NEMP1: variants seen among roughly 807,000 people sequenced by gnomAD.
The protein encoded by NEMP1 is transmembrane protein 194.
In NEMP1, 29 loss-of-function variants were observed where a neutral mutation model predicts 53.7. The observed-to-expected ratio is 0.54, with a 90% CI of 0.40 to 0.74. The LOEUF (loss-of-function observed/expected upper bound fraction) is 0.74. Ranked by LOEUF, NEMP1 falls within the 30% of genes least tolerant of loss-of-function variation. The probability of loss-of-function intolerance (pLI) is 0.00; values close to 1 mark genes in which losing one functional copy is unlikely to be tolerated. For missense variants in NEMP1, 477 were observed against 528.6 expected, an observed-to-expected ratio of 0.90 and a Z score of 0.96; for synonymous variants, 193 against 192.9, an observed-to-expected ratio of 1.00 and a Z score of 0.00.
intron 1 of NEMP1, among the ~76,000 whole-genome samples, chr12:57,085,834 T>G (rs1420678386): frequency 1.3e-5 from 2 of 152,234 alleles, no homozygotes; most frequent in Non-Finnish European, 2.9e-5. Context: ...ATGTCTTCAC[T>G]TAAACAGTTT....
chr12:57,063,197 A>G lies in NEMP1; in HGVS notation c.902T>C (p.Ile301Thr). Residue 301 changes from isoleucine to threonine, a missense_variant, in exon 7 of 9, where the codon ATT becomes ACT. By Grantham distance (89) the Ile-to-Thr change is moderately conservative. Coordinates refer to ENST00000300128, the MANE Select transcript of NEMP1 (RefSeq NM_001130963.2). The stretch of plus-strand genomic sequence containing the variant: ...AGCAATGATGATAATGGCAAGGGCA[A>G]TATGTGGTATCTGGATGCCAGAATA... ...FMYSGIQIPH[I>T]ALAIIIIALC... 2 of 1,614,192 alleles carry G rather than the reference A, an allele frequency of 1.2e-6. No homozygotes were observed. Among genetic ancestry groups the G allele is most frequent in the Non-Finnish European group, 1.7e-6 (2 of 1,180,032 alleles).
chr12:57,077,964 C>A (rs2032711269), intron 1 of NEMP1, among the ~76,000 whole-genome samples: 1 of 152,010 alleles, frequency 6.6e-6, no homozygotes, highest in South Asian at 2.1e-4. Flanking sequence ...TGCCTGTAAT[C>A]CCAGCTACTC....
rs2032240297 is a variant in NEMP1 at position 57,069,295 on chromosome 12, T to C, written c.484A>G (p.Lys162Glu). The C allele has an allele frequency of 1.3e-6, 2 of 1,544,716 alleles. No homozygotes were observed. Among genetic ancestry groups the C allele is most frequent in the Non-Finnish European group, 1.7e-6 (2 of 1,144,990 alleles). The change falls in exon 4 of 9, where the codon AAA (lysine) becomes GAA (glutamate). Residue 162 changes from lysine to glutamate, a missense_variant. Lys to Glu is a moderately conservative substitution (Grantham distance 56, BLOSUM62 1). Coordinates refer to ENST00000300128, the MANE Select transcript of NEMP1 (RefSeq NM_001130963.2). The stretch of plus-strand genomic sequence containing the variant: ...CCAAGAAGGAAAACAAGAAAGAGTT[T>C]GGGATCAAATCCTGAAATAAATAAA... ...SVIVIRRFDP[K>E]LFLVFLLGLM...
At chr12:57,084,774 T>G (rs1196660499) in intron 1 of NEMP1, among the ~76,000 whole-genome samples, 1 of 152,250 alleles carries the variant, frequency 6.6e-6, no homozygotes, top group African/African-American at 2.4e-5. Context: ...CAATCTGTAA[T>G]GAAACAATTT....
At chr12:57,081,509 C>G (rs1187122684), upstream of NEMP1, among the ~76,000 whole-genome samples, 1 of 149,726 alleles carries the variant, frequency 6.7e-6, no homozygotes, top group Non-Finnish European at 1.5e-5. Flanking sequence ...TCCCGAAGTG[C>G]TGGGATTACA....
chr12:57,066,274 C>A (rs938447269), intron 4 of NEMP1, among the ~76,000 whole-genome samples: 3 of 152,054 alleles, frequency 2.0e-5, no homozygotes, highest in Non-Finnish European at 4.4e-5. Context: ...AACAAACAAA[C>A]AAAAAAAGAG....
intron 4 of NEMP1, among the ~76,000 whole-genome samples, chr12:57,065,770 G>C (rs2032042131): frequency 6.6e-6 from 1 of 151,738 alleles, no homozygotes; most frequent in Non-Finnish European, 1.5e-5. Flanking sequence ...CAAAGTGCTG[G>C]GACTACAGGC....
chr12:57,059,723 T>C lies in NEMP1; in HGVS notation c.*156A>G. 1 of 632,402 alleles carries C rather than the reference T, an allele frequency of 1.6e-6. No individual in the cohort carries two copies. Among genetic ancestry groups the C allele is most frequent in the Non-Finnish European group, 2.7e-6 (1 of 373,706 alleles). The allele number at this position is 632,402 out of a possible 1,614,324, so 39.2% of individuals were successfully genotyped here. A position where few individuals can be genotyped will look rare whatever the true frequency, so the allele number is the denominator to read the frequency against. On this transcript the variant is annotated 3_prime_UTR_variant, in exon 9 of 9. Coordinates refer to ENST00000300128, the MANE Select transcript of NEMP1 (RefSeq NM_001130963.2). ...TCAGGGATCCCATAGAGACCTCCCA[T>C]TTCCAAAGGGAGGCCTTTTTAGGCC...
intron 1 of NEMP1, among the ~76,000 whole-genome samples, chr12:57,085,040 G>C (rs150225625): frequency 1.3e-3 from 203 of 152,156 alleles, no homozygotes; most frequent in African/African-American, 4.3e-3. Flanking sequence ...TTTCTAACCA[G>C]CTCCACCCAC....
chr12:57,080,296 G>A (rs2032805488), upstream of NEMP1, among the ~76,000 whole-genome samples: 1 of 152,196 alleles, frequency 6.6e-6, no homozygotes, highest in Non-Finnish European at 1.5e-5. Context: ...AAGTCAAAAT[G>A]GGCCGGGCAT....
In NEMP1 at chr12:57,060,910, G is replaced by C. The variant is rs758212415; in HGVS notation, c.1016C>G (p.Pro339Arg). ...VCKGAEKPVP[P>R]RLLTEEEYRI... ...ATATTCTTCTTCTGTCAGGAGACGA[G>C]GGGGAACAGGCTTTTCTGCTCCCTT... Residue 339 changes from proline (P) to arginine (R), a missense_variant, in exon 8 of 9, where the codon CCT (proline) becomes CGT (arginine). Transcript: ENST00000300128. 4.3e-6 allele frequency: 7 copies of C among 1,614,082 alleles called. No individual in the cohort carries two copies. Among genetic ancestry groups the C allele is most frequent in the Non-Finnish European group, 5.1e-6 (6 of 1,180,008 alleles).
chr12:57,088,098 C>T (rs1461658414), upstream of NEMP1: 1 of 152,248 alleles, frequency 6.6e-6, no homozygotes, highest in Non-Finnish European at 1.5e-5. Flanking sequence ...CCACTAGACT[C>T]TCGGGCGAGG....
intron 4 of NEMP1, among the ~76,000 whole-genome samples, chr12:57,067,666 A>G (rs2032155554): frequency 6.6e-6 from 1 of 152,244 alleles, no homozygotes; most frequent in African/African-American, 2.4e-5. Context: ...AGAACTGTAG[A>G]GACTGATGCT....
chr12:57,065,160 T>A (rs1229414181), intron 4 of NEMP1, among the ~76,000 whole-genome samples: 1 of 152,246 alleles, frequency 6.6e-6, no homozygotes, highest in Non-Finnish European at 1.5e-5. Flanking sequence ...CAGTGGTTTC[T>A]GAAGGCTGGA....
At chr12:57,088,372 A>T (rs1054176290), upstream of NEMP1, among the ~76,000 whole-genome samples, 17 of 152,156 alleles carry the variant, frequency 1.1e-4, no homozygotes, top group African/African-American at 4.1e-4. Flanking sequence ...ATTGGGGCTG[A>T]GGAGGGGCGC....
intron 1 of NEMP1, among the ~76,000 whole-genome samples, chr12:57,076,266 G>C (rs1182344198): frequency 6.6e-6 from 1 of 152,202 alleles, no homozygotes; most frequent in African/African-American, 2.4e-5. Context: ...GCACGTGCCT[G>C]TAGTCCCAGC....
upstream of NEMP1, among the ~76,000 whole-genome samples, chr12:57,088,597 C>T (rs1438091387): frequency 6.6e-6 from 1 of 152,198 alleles, no homozygotes; most frequent in Non-Finnish European, 1.5e-5. Context: ...TGTGCACGTC[C>T]GTGCGCTTCT....
Position 57,063,237 on chromosome 12 carries a change from C to T in NEMP1, c.862G>A (p.Gly288Ser). ...NLLTWTLQLM[G>S]LCFMYSGIQI... Reference sequence around the variant, plus strand: ...ATGCCAGAATACATGAAACACAGGCCCATCAGCTGCAAGGTCCAGGTCAGC... The same window carrying T: ...ATGCCAGAATACATGAAACACAGGCTCATCAGCTGCAAGGTCCAGGTCAGC... The change falls in exon 7 of 9, where the codon GGC becomes AGC. Residue 288 changes from glycine (G) to serine (S), a missense_variant. By Grantham distance (56) the Gly-to-Ser change is moderately conservative. Transcript: ENST00000300128. The T allele has an allele frequency of 6.2e-7, 1 of 1,614,126 alleles. No homozygotes were observed. Among genetic ancestry groups the T allele is most frequent in the East Asian group, 2.2e-5 (1 of 44,878 alleles).
At chr12:57,062,975 C>A in intron 7 of NEMP1, 144 bp downstream of exon 7, 1 of 554,958 alleles carries the variant, frequency 1.8e-6, no homozygotes, top group Non-Finnish European at 3.2e-6. Context: ...AAAAAATAGA[C>A]TCGGGAAGGA....
Sources: allele counts gnomAD v4.1 joint callset (sites outside exome capture counted in the v4.1 genomes callset), GRCh38; gene constraint gnomAD v4.1.1; transcripts MANE v1.5; gene names NCBI Gene and HGNC (gene_info 2026-07-23, HGNC 2026-07-21).